The following PWWP3B variants were observed in gnomAD, a reference collection of about 807,000 sequenced individuals.
The protein encoded by PWWP3B is PWWP domain-containing DNA repair factor 3B.
PWWP3B carries 5 observed loss-of-function variants against 15.7 expected under a neutral mutation model. The observed-to-expected ratio is 0.32, with a 90% CI of 0.17 to 0.67. The LOEUF (loss-of-function observed/expected upper bound fraction) is 0.67, where lower values mean the gene tolerates loss of function less well. PWWP3B is among the 30% of genes least tolerant of loss of function. The pLI is 0.74. For synonymous variants in PWWP3B, 203 were observed against 179.8 expected (o/e 1.13, Z -1.03); for missense variants, 519 against 493.1 (o/e 1.05, Z -0.50).
At chrX:106,204,823 G>T (rs746998690) in intron 3 of PWWP3B, among the ~76,000 whole-genome samples, 1 of 111,773 alleles carries the variant, frequency 8.9e-6, no homozygotes, top group South Asian at 3.8e-4. Context: ...AGAAATATAA[G>T]TCCTTCAGAT....
chrX:106,207,872 T>G lies in PWWP3B; in HGVS notation c.*349T>G, dbSNP rs1023518676. The G allele has an allele frequency of 1.4e-5, 2 of 143,672 alleles. No individual in the cohort carries two copies. Among genetic ancestry groups the G allele is most frequent in the South Asian group, 3.3e-4 (1 of 3,001 alleles). The allele number at this position is 143,672 out of a possible 1,213,427, so 11.8% of individuals were successfully genotyped here. On this transcript the variant is annotated 3_prime_UTR_variant, in exon 4 of 4. Transcript: ENST00000357175. The stretch of plus-strand genomic sequence containing the variant: ...ATATTGTGCACAATTATTTTAATGT[T>G]AAAATTGCACTGGTGTTAGATATTA...
intron 2 of PWWP3B, among the ~76,000 whole-genome samples, chrX:106,193,499 C>T (rs1192865709): frequency 5.4e-5 from 6 of 111,679 alleles, no homozygotes; most frequent in Admixed American, 2.8e-4. Context: ...ATCCAATTTG[C>T]CAGTCTGTGT....
chrX:106,189,389 C>G (rs1391243672), intron 2 of PWWP3B, among the ~76,000 whole-genome samples: 1 of 109,719 alleles, frequency 9.1e-6, no homozygotes, highest in African/African-American at 3.3e-5. Context: ...CCTCCCCCCA[C>G]CACACAACAG....
intron 2 of PWWP3B, among the ~76,000 whole-genome samples, chrX:106,191,883 G>A (rs1922993309): frequency 8.9e-6 from 1 of 111,903 alleles, no homozygotes; most frequent in African/African-American, 3.3e-5. Context: ...GCATCCCAGA[G>A]ATGAAGCCCA....
At position 106,208,273 on chromosome X, in the gene PWWP3B, C is replaced by T. The variant is rs1924159928; in HGVS notation, c.*750C>T. On this transcript the variant is annotated 3_prime_UTR_variant, in exon 4 of 4. Coordinates refer to ENST00000357175, the MANE Select transcript of PWWP3B (RefSeq NM_001171020.2). ...TCTATCCTTCAATGGCTGAATAGTTCCTTAAATCAGACAAGCTCCTGGCTA... is the reference window on the plus strand; with the variant it reads ...TCTATCCTTCAATGGCTGAATAGTTTCTTAAATCAGACAAGCTCCTGGCTA... The T allele has an allele frequency of 8.1e-6, 1 of 123,344 alleles. No individual in the cohort carries two copies. The highest frequency in any genetic ancestry group is 1.9e-5 in the Non-Finnish European group (1 of 53,312). 10.2% of individuals were successfully genotyped at this position (123,344 alleles called of 1,213,427 possible).
At position 106,205,946 on chromosome X, in the gene PWWP3B, C is replaced by T. The variant is rs772556021; in HGVS notation, c.514C>T (p.Pro172Ser). The T allele has an allele frequency of 5.0e-6, 6 of 1,209,166 alleles. No homozygotes were observed. The Admixed American group carries it at 1.3e-4, about 26-fold the overall frequency. ...DSLYDDKSQA[P>S]TMVDTIPSEV... Reference sequence around the variant, plus strand: ...CCTGTATGATGATAAATCACAAGCACCCACAATGGTCGATACTATTCCAAG... The same window carrying T: ...CCTGTATGATGATAAATCACAAGCATCCACAATGGTCGATACTATTCCAAG... Residue 172 changes from proline to serine, a missense_variant, in exon 4 of 4, where the codon CCC becomes TCC. Coordinates refer to ENST00000357175, the MANE Select transcript of PWWP3B (RefSeq NM_001171020.2).
intron 2 of PWWP3B, among the ~76,000 whole-genome samples, chrX:106,197,866 CATT>C (rs1347621428): frequency 1.8e-3 from 203 of 111,576 alleles, no homozygotes; most frequent in African/African-American, 6.4e-3. Context: ...AGAGATTTAT[CATT>C]ATTAAGTTAT....
intron 2 of PWWP3B, among the ~76,000 whole-genome samples, chrX:106,188,984 A>C (rs1020379593): frequency 8.9e-6 from 1 of 112,100 alleles, no homozygotes; most frequent in Non-Finnish European, 1.9e-5. Flanking sequence ...TTGTGTATAC[A>C]TAAGTTTTCA....
chrX:106,207,061 C>T lies in PWWP3B; in HGVS notation c.1629C>T (p.Asp543=). The T allele has an allele frequency of 8.3e-7, 1 of 1,207,504 alleles. No individual in the cohort carries two copies. The highest frequency in any genetic ancestry group is 2.2e-5 in the Admixed American group (1 of 45,511). Residue 543 remains aspartate (D), a synonymous_variant, in exon 4 of 4, where the codon GAC becomes GAT. Transcript: ENST00000357175. ...TGTCCTTCCAAAAAATTCTCCCTGA[C>T]CGGATGAAGGCTGCTCGGGACCGAG... ...KKMSFQKILP[D]RMKAARDRAN...
At chrX:106,199,523 T>C (rs1022663003) in intron 2 of PWWP3B, among the ~76,000 whole-genome samples, 7 of 111,544 alleles carry the variant, frequency 6.3e-5, no homozygotes, top group Non-Finnish European at 1.1e-4. Flanking sequence ...ACGTCCCTAG[T>C]GAGTTGCATC....
chrX:106,196,214 A>G (rs1378054244), intron 2 of PWWP3B, among the ~76,000 whole-genome samples: 2 of 111,811 alleles, frequency 1.8e-5, no homozygotes, highest in Non-Finnish European at 3.8e-5. Flanking sequence ...TTTTCTACAT[A>G]CATCATCTTG....
Position 106,205,670 on chromosome X carries a change from C to T in PWWP3B, c.238C>T (p.Pro80Ser), listed in dbSNP as rs772167015. The T allele has an allele frequency of 5.8e-6, 7 of 1,209,822 alleles. No individual in the cohort carries two copies. Among genetic ancestry groups the T allele is most frequent in the African/African-American group, 5.2e-5 (3 of 57,380 alleles). Residue 80 changes from proline (P) to serine (S), a missense_variant, in exon 4 of 4, where the codon CCT (proline) becomes TCT (serine). Transcript: ENST00000357175. The part of the protein sequence containing the change: ...LGLQSEDSAP[P>S]TEETAYGRSL... The stretch of plus-strand genomic sequence containing the variant: ...ACTACAGTCAGAGGACAGTGCTCCA[C>T]CTACAGAGGAAACTGCCTATGGAAG...
At chrX:106,177,596 G>A (rs1373540647) in intron 2 of PWWP3B, among the ~76,000 whole-genome samples, 1 of 112,477 alleles carries the variant, frequency 8.9e-6, no homozygotes, top group Non-Finnish European at 1.9e-5. Flanking sequence ...TCTAAATTAA[G>A]ACTTCGGTGA....
At chrX:106,173,810 C>A (rs1252401450) in intron 2 of PWWP3B, among the ~76,000 whole-genome samples, 1 of 111,451 alleles carries the variant, frequency 9.0e-6, no homozygotes, top group Admixed American at 9.6e-5. Flanking sequence ...TATAGAGATA[C>A]AGGTGACCCA....
intron 2 of PWWP3B, among the ~76,000 whole-genome samples, chrX:106,191,240 C>G (rs888105207): frequency 2.7e-5 from 3 of 111,037 alleles, no homozygotes; most frequent in East Asian, 2.8e-4. Flanking sequence ...GTTTGTAGTT[C>G]TCCTTGAAGA....
intron 2 of PWWP3B, among the ~76,000 whole-genome samples, chrX:106,192,753 G>A (rs1343560228): frequency 1.8e-5 from 2 of 109,975 alleles, no homozygotes; most frequent in East Asian, 2.9e-4. Context: ...CTTTGTTCTC[G>A]TTGGTTTCAA....
At chrX:106,197,386 C>T (rs902278424) in intron 2 of PWWP3B, among the ~76,000 whole-genome samples, 1 of 111,432 alleles carries the variant, frequency 9.0e-6, no homozygotes, top group African/African-American at 3.3e-5. Flanking sequence ...ACCCTTCCAC[C>T]AGAAGCAAGG....
intron 2 of PWWP3B, among the ~76,000 whole-genome samples, chrX:106,184,726 A>G (rs900453741): frequency 4.5e-5 from 5 of 112,087 alleles, no homozygotes; most frequent in Non-Finnish European, 9.4e-5. Context: ...TAGGACATCT[A>G]TATACCTATC....
At position 106,207,484 on chromosome X, in the gene PWWP3B, T is replaced by C. The variant is rs1429336739; in HGVS notation, c.2052T>C (p.Tyr684=). ...ERELFDAKII[Y]EKRRKAPTNE... is the part of the protein sequence containing the mutation. ...AATTATTTGATGCAAAAATAATATA[T>C]GAAAAGAGACGAAAAGCACCAACAA... The change falls in exon 4 of 4, where the codon TAT becomes TAC. Residue 684 remains tyrosine, a synonymous_variant. Transcript: ENST00000357175. 56 of 1,147,305 alleles carry C rather than the reference T, an allele frequency of 4.9e-5. No homozygotes were observed. The highest frequency in any genetic ancestry group is 6.4e-5 in the Non-Finnish European group (55 of 866,007). 94.6% of individuals were successfully genotyped at this position (1,147,305 alleles called of 1,213,427 possible).
Sources: gnomAD v4.1 joint callset for allele counts (sites outside exome capture counted in the v4.1 genomes callset) on GRCh38, gnomAD v4.1.1 for gene constraint, MANE v1.5 for transcripts, NCBI Gene and HGNC (gene_info 2026-07-23, HGNC 2026-07-21) for gene names.